CDH23: variants seen among roughly 807,000 people sequenced by gnomAD.
CDH23 encodes the protein cadherin related 23, also known as cadherin-23.
CDH23 carries 189 observed loss-of-function variants against 317.1 expected under a neutral mutation model. The observed-to-expected ratio is 0.60, with a 90% CI of 0.53 to 0.67. The LOEUF (loss-of-function observed/expected upper bound fraction) is 0.67. CDH23 is among the 30% of genes least tolerant of loss of function. The pLI is 0.00. For missense variants in CDH23, 4,401 were observed against 4,592.4 expected (o/e 0.96, Z 1.20); for synonymous variants, 1,839 against 1,876.8 (o/e 0.98, Z 0.52).
intron 6 of CDH23, among the ~76,000 whole-genome samples, chr10:71,562,670 C>T (rs550847217): frequency 3.9e-4 from 60 of 152,334 alleles, no homozygotes; most frequent in African/African-American, 1.4e-3. Flanking sequence ...ATAGAAAGGA[C>T]GGCACAGGCA....
intron 31 of CDH23, among the ~76,000 whole-genome samples, chr10:71,731,179 C>A (rs999711197): frequency 6.6e-6 from 1 of 152,216 alleles, no homozygotes; most frequent in African/African-American, 2.4e-5. Flanking sequence ...GCCCTCCGTG[C>A]GGCCTGGGCT....
intron 9 of CDH23, among the ~76,000 whole-genome samples, chr10:71,584,311 C>T (rs888697145): frequency 2.6e-5 from 4 of 152,048 alleles, no homozygotes; most frequent in African/African-American, 9.7e-5. Flanking sequence ...TTGAGAAACC[C>T]TCTAGAATCA....
chr10:71,773,527 G>T, intron 38 of CDH23: 1 of 1,295,344 alleles, frequency 7.7e-7, no homozygotes, highest in South Asian at 1.4e-5. Context: ...GACTGAGTGC[G>T]AGCGAGTGAG....
At chr10:71,642,318 G>A (rs528453873) in intron 11 of CDH23, among the ~76,000 whole-genome samples, 10 of 151,690 alleles carry the variant, frequency 6.6e-5, no homozygotes, top group Non-Finnish European at 1.5e-4. Flanking sequence ...CATCAGACAT[G>A]AGCTCCACTT....
In CDH23 at chr10:71,790,281, G is replaced by T. The variant is rs758436912; in HGVS notation, c.5924-7G>T. 1.9e-6 allele frequency: 3 copies of T among 1,613,452 alleles called. No individual in the cohort carries two copies. Among genetic ancestry groups the T allele is most frequent in the Admixed American group, 1.7e-5 (1 of 59,988 alleles). On this transcript the variant is annotated splice_region_variant and splice_polypyrimidine_tract_variant and intron_variant, in intron 45 of 69. Coordinates refer to ENST00000224721, the MANE Select transcript of CDH23 (RefSeq NM_022124.6). ...GTCTTGTGGTGACCCCTCTCCTTCT[G>T]GCCCAGGCACCCCTCTCACGGTGCT...
At chr10:71,557,665 A>G (rs1589204277) in intron 6 of CDH23, among the ~76,000 whole-genome samples, 1 of 152,308 alleles carries the variant, frequency 6.6e-6, no homozygotes, top group East Asian at 1.9e-4. Flanking sequence ...TTGGCTGTGT[A>G]TAGAATTCTG....
At chr10:71,723,957 C>G in intron 28 of CDH23, 88 bp from the exon 29 acceptor site, 1 of 1,437,244 alleles carries the variant, frequency 7.0e-7, no homozygotes, top group Non-Finnish European at 9.6e-7. Flanking sequence ...GGGTAGGATG[C>G]GTGAAGGGAA....
chr10:71,464,528 G>A (rs1851155261), intron 3 of CDH23, among the ~76,000 whole-genome samples: 1 of 152,194 alleles, frequency 6.6e-6, no homozygotes, highest in Non-Finnish European at 1.5e-5. Context: ...GGGGTCTTCT[G>A]AGGCCCACCA....
chr10:71,799,396 G>A (rs572318815), intron 51 of CDH23, 96 bp from the exon 52 acceptor site: 103 of 1,603,498 alleles, frequency 6.4e-5, no homozygotes, highest in East Asian at 5.8e-4. Flanking sequence ...CCCAGCCCAC[G>A]AGCAGCTTGA....
chr10:71,410,361 T>G (rs886071406), intron 1 of CDH23, among the ~76,000 whole-genome samples: 8 of 151,604 alleles, frequency 5.3e-5, no homozygotes, highest in African/African-American at 2.0e-4. Flanking sequence ...GGGGGTGCAG[T>G]CCTGGAAGAT....
In CDH23 at chr10:71,799,186, ACGGGTCCCCGCCC is replaced by A; in HGVS notation, c.7135_7147del (p.Ser2379GlnfsTer40). The A allele has an allele frequency of 6.2e-7, 1 of 1,614,024 alleles. No individual in the cohort carries two copies. Among genetic ancestry groups the A allele is most frequent in the Non-Finnish European group, 8.5e-7 (1 of 1,179,888 alleles). ...AACTTTACCGTGAGGGCCTCAGACA[ACGGGTCCCCGCCC>A]CGGGCAGCTGAGATCCCTGTCTACC... is the stretch of plus-strand genomic sequence containing the variant. On this transcript the variant is annotated frameshift_variant, in exon 51 of 70. Transcript: ENST00000224721. LOFTEE classifies it high-confidence loss of function.
intron 28 of CDH23, chr10:71,714,418 G>A (rs1350976740): frequency 6.6e-6 from 1 of 152,214 alleles, no homozygotes; most frequent in African/African-American, 2.4e-5. Context: ...CTCCCAAGCT[G>A]GTAGGAAAGA....
intron 3 of CDH23, among the ~76,000 whole-genome samples, chr10:71,479,882 C>T (rs1851981232): frequency 6.6e-6 from 1 of 152,176 alleles, no homozygotes; most frequent in South Asian, 2.1e-4. Flanking sequence ...AGGTCAGAGA[C>T]ATGGCTGAGA....
intron 32 of CDH23, among the ~76,000 whole-genome samples, chr10:71,733,668 G>A (rs1839464609): frequency 6.6e-6 from 1 of 152,214 alleles, no homozygotes; most frequent in Non-Finnish European, 1.5e-5. Context: ...TTGGCTGTTA[G>A]GAAGCTCAGA....
chr10:71,809,570 G>T (rs534398826), intron 60 of CDH23, among the ~76,000 whole-genome samples: 1 of 152,312 alleles, frequency 6.6e-6, no homozygotes, highest in East Asian at 1.9e-4. Flanking sequence ...TCGCACCCTA[G>T]CATGGGACAA....
chr10:71,759,106 C>T (rs1840225327), intron 38 of CDH23, among the ~76,000 whole-genome samples: 1 of 151,920 alleles, frequency 6.6e-6, no homozygotes, highest in African/African-American at 2.4e-5. Context: ...GGCGCGATCT[C>T]GGCTCACTGT....
At chr10:71,792,843 AAAAAAAAAAATATAT>A (rs1841294283) in intron 47 of CDH23, among the ~76,000 whole-genome samples, 1 of 78,338 alleles carries the variant, frequency 1.3e-5, no homozygotes, top group Non-Finnish European at 2.6e-5. Context: ...AAAAAAAAAA[AAAAAAAAAAATATAT>A]ATATATATAT....
At chr10:71,540,296 T>C (rs1306473611) in intron 6 of CDH23, among the ~76,000 whole-genome samples, 2 of 152,184 alleles carry the variant, frequency 1.3e-5, no homozygotes, top group African/African-American at 4.8e-5. Flanking sequence ...CATTCTCCTC[T>C]GCCTTTCCCC....
chr10:71,646,691 G>T lies in CDH23; in HGVS notation c.1449+74G>T, dbSNP rs115450602. The T allele has an allele frequency of 1.6e-3, 2,603 of 1,613,648 alleles. 45 individuals are homozygous for T. The African/African-American group carries it at 0.03, about 19-fold the overall frequency. On this transcript the variant is annotated intron_variant, in intron 14 of 69. Transcript: ENST00000224721. ...GTGGTGAGGCACCCAGAGGGATTTT[G>T]TCCAAGGGACCTCAGCAATCAGGGA...
Sources: gnomAD v4.1 joint callset for allele counts (sites outside exome capture counted in the v4.1 genomes callset) on GRCh38, gnomAD v4.1.1 for gene constraint, MANE v1.5 for transcripts, NCBI Gene and HGNC (gene_info 2026-07-23, HGNC 2026-07-21) for gene names.